LINGO2: variants seen among roughly 807,000 people sequenced by gnomAD.
LINGO2 encodes the protein leucine rich repeat and Ig domain containing 2.
LINGO2 carries 14 observed loss-of-function variants against 30.6 expected under a neutral mutation model. That is an observed-to-expected ratio of 0.46 (90% CI 0.30 to 0.72). LINGO2 has a LOEUF of 0.72. Ranked by LOEUF, LINGO2 falls within the 30% of genes least tolerant of loss-of-function variation. LINGO2 has a pLI of 0.07. For missense variants in LINGO2, 729 were observed against 751.7 expected (o/e 0.97, Z 0.35); for synonymous variants, 317 against 288.5 (o/e 1.10, Z -1.00).
intron 1 of LINGO2, among the ~76,000 whole-genome samples, chr9:28,501,126 T>C (rs182880481): frequency 1.3e-5 from 2 of 152,244 alleles, no homozygotes; most frequent in East Asian, 1.9e-4. Flanking sequence ...TCAAGAAATA[T>C]GTCAAATTCA....
intron 1 of LINGO2, among the ~76,000 whole-genome samples, chr9:28,630,387 A>T (rs1358446040): frequency 6.6e-6 from 1 of 152,118 alleles, no homozygotes; most frequent in African/African-American, 2.4e-5. Context: ...CTAACTAATT[A>T]GTCCTAACTT....
the LINGO2 span, among the ~76,000 whole-genome samples, chr9:28,944,531 G>A: frequency 9.1e-4 from 138 of 152,064 alleles, 1 homozygote; most frequent in Admixed American, 8.1e-3. Context: ...TCAGCCTCCC[G>A]TGTAGCTGGG....
At chr9:28,740,685 T>G in the LINGO2 span, among the ~76,000 whole-genome samples, 1 of 152,144 alleles carries the variant, frequency 6.6e-6, no homozygotes, top group Admixed American at 6.5e-5. Context: ...AAAAAATTGA[T>G]GTAAAATTGT....
chr9:28,120,135 T>C (rs1827052426), intron 4 of LINGO2, among the ~76,000 whole-genome samples: 1 of 152,192 alleles, frequency 6.6e-6, no homozygotes, highest in Non-Finnish European at 1.5e-5. Flanking sequence ...ATAGGATTGA[T>C]GCTAATGGAA....
chr9:28,469,685 G>GA (rs1049176684), intron 2 of LINGO2, among the ~76,000 whole-genome samples: 13 of 151,934 alleles, frequency 8.6e-5, no homozygotes, highest in Non-Finnish European at 1.9e-4. Flanking sequence ...GCTAAAATAA[G>GA]AAAAAAACCT....
At chr9:28,828,110 T>C in the LINGO2 span, among the ~76,000 whole-genome samples, 2 of 151,892 alleles carry the variant, frequency 1.3e-5, no homozygotes, top group South Asian at 2.1e-4. Context: ...ATATTAAATA[T>C]ATATACATAT....
Position 28,433,966 on chromosome 9 carries a change from TAC to T in LINGO2, c.-279+41972_-279+41973del, listed in dbSNP as rs757972811. Among the ~76,000 whole-genome samples, 182 of 100,060 alleles carry T rather than the reference TAC, an allele frequency of 1.8e-3. 4 individuals carry two copies. The highest frequency in any genetic ancestry group is 5.3e-3 in the African/African-American group (172 of 32,568). 65.6% of individuals were successfully genotyped at this position (100,060 alleles called of 152,430 possible). A position where few individuals can be genotyped will look rare whatever the true frequency, so the allele number is the denominator to read the frequency against. On this transcript the variant is annotated intron_variant, in intron 2 of 5. Coordinates refer to ENST00000379992, the Ensembl canonical transcript of LINGO2. Reference sequence around the variant, plus strand: ...CTCTCTCTCTATATATATATATATATACACACACACACATGAAAATACTACTA... The same window carrying T: ...CTCTCTCTCTATATATATATATATATACACACACACATGAAAATACTACTA...
the LINGO2 span, among the ~76,000 whole-genome samples, chr9:28,819,357 C>G: frequency 1.3e-5 from 2 of 152,162 alleles, no homozygotes; most frequent in African/African-American, 4.8e-5. Flanking sequence ...TTCTTCCCCT[C>G]CCCTCCCAAG....
chr9:28,052,723 G>T (rs1824732898), intron 4 of LINGO2, among the ~76,000 whole-genome samples: 1 of 152,060 alleles, frequency 6.6e-6, no homozygotes, highest in South Asian at 2.1e-4. Context: ...TGGAGCCCAA[G>T]AAAGTAAAAG....
intron 3 of LINGO2, among the ~76,000 whole-genome samples, chr9:28,346,315 T>C (rs1167437899): frequency 2.6e-5 from 4 of 152,252 alleles, no homozygotes; most frequent in Middle Eastern, 3.4e-3. Flanking sequence ...CATTCCCGCA[T>C]TGGTTTGCTA....
chr9:28,088,859 G>A (rs12000696), intron 4 of LINGO2, among the ~76,000 whole-genome samples: 48 of 152,072 alleles, frequency 3.2e-4, no homozygotes, highest in African/African-American at 1.1e-3. Flanking sequence ...AAAATAAAGG[G>A]ATGGAGGAAG....
At chr9:28,627,515 A>G (rs1826736378) in intron 1 of LINGO2, among the ~76,000 whole-genome samples, 1 of 152,046 alleles carries the variant, frequency 6.6e-6, no homozygotes, top group African/African-American at 2.4e-5. Flanking sequence ...GCACTAAAAT[A>G]TGGAAAATGC....
At chr9:28,638,857 G>A (rs1448132839) in intron 1 of LINGO2, among the ~76,000 whole-genome samples, 13 of 152,020 alleles carry the variant, frequency 8.6e-5, no homozygotes, top group Non-Finnish European at 1.5e-4. Context: ...CTTGCCTTCT[G>A]CTAGCTTTTG....
the LINGO2 span, among the ~76,000 whole-genome samples, chr9:29,038,052 C>T: frequency 6.6e-6 from 1 of 151,706 alleles, no homozygotes; most frequent in Non-Finnish European, 1.5e-5. Context: ...TGATTTTTTT[C>T]CAGATTTTGA....
chr9:28,091,445 C>T (rs1256323461), intron 4 of LINGO2, among the ~76,000 whole-genome samples: 3 of 152,102 alleles, frequency 2.0e-5, no homozygotes. Flanking sequence ...AAACACAAAA[C>T]AGGGAAAGGA....
the LINGO2 span, among the ~76,000 whole-genome samples, chr9:28,865,214 G>C: frequency 1.3e-5 from 2 of 152,138 alleles, no homozygotes; most frequent in African/African-American, 2.4e-5. Context: ...GCTACAGTTA[G>C]AGTAGGTGAA....
chr9:28,339,008 C>T (rs1157404777), intron 3 of LINGO2, among the ~76,000 whole-genome samples: 3 of 152,044 alleles, frequency 2.0e-5, no homozygotes, highest in Non-Finnish European at 4.4e-5. Flanking sequence ...GAATGATACT[C>T]CCAAGTATTG....
intron 2 of LINGO2, among the ~76,000 whole-genome samples, chr9:28,410,369 C>T (rs1270443492): frequency 2.0e-5 from 3 of 152,014 alleles, no homozygotes; most frequent in Non-Finnish European, 2.9e-5. Flanking sequence ...AATAACAAGC[C>T]ACTTGCATAT....
the LINGO2 span, among the ~76,000 whole-genome samples, chr9:29,031,345 C>A: frequency 6.6e-6 from 1 of 151,962 alleles, no homozygotes; most frequent in African/African-American, 2.4e-5. Context: ...TGCAGTGGCG[C>A]CATCTCGGCC....
Sources: allele counts gnomAD v4.1 joint callset (sites outside exome capture counted in the v4.1 genomes callset), GRCh38; gene constraint gnomAD v4.1.1; transcripts MANE v1.5; gene names NCBI Gene and HGNC (gene_info 2026-07-23, HGNC 2026-07-21).